Variants in ABCG1 observed in about 807,000 individuals in gnomAD.
ABCG1 encodes ATP binding cassette subfamily G member 1, also known as ATP-binding cassette sub-family G member 1.
A neutral mutation model predicts 69.2 loss-of-function variants in ABCG1; 29 were observed. The observed-to-expected ratio is 0.42, with a 90% CI of 0.31 to 0.57. The LOEUF is 0.57. Among genes scored for constraint, ABCG1 ranks in the 20% least tolerant of loss-of-function variants. The pLI is 0.15. For synonymous variants in ABCG1, 370 were observed against 374.8 expected (o/e 0.99, Z 0.15); for missense variants, 718 against 898.1 (o/e 0.80, Z 2.56).
At chr21:42,292,601 TACACACTACACACC>T (rs1385218410) in intron 13 of ABCG1, among the ~76,000 whole-genome samples, 3 of 150,446 alleles carry the variant, frequency 2.0e-5, no homozygotes, top group Non-Finnish European at 3.0e-5. Flanking sequence ...CAGACCACAC[TACACACTACACACC>T]ACACACTACA....
At chr21:42,216,486 C>T (rs1289251155), upstream of ABCG1, among the ~76,000 whole-genome samples, 1 of 152,160 alleles carries the variant, frequency 6.6e-6, no homozygotes, top group Non-Finnish European at 1.5e-5. Context: ...TCATTTCATC[C>T]CATGTGAACC....
At chr21:42,225,536 G>T in intron 1 of ABCG1, 135 bp from the exon 2 acceptor site, 1 of 1,132,288 alleles carries the variant, frequency 8.8e-7, no homozygotes, top group Admixed American at 2.2e-5. Context: ...TTCTCCTGGG[G>T]CCAAAGGTGC....
At chr21:42,290,992 T>C (rs2069046485) in intron 11 of ABCG1, 100 bp from the exon 12 acceptor site, 2 of 852,272 alleles carry the variant, frequency 2.3e-6, no homozygotes, top group Non-Finnish European at 3.9e-6. Flanking sequence ...AGGCCAGAGC[T>C]GGGTTACCAG....
intron 1 of ABCG1, chr21:42,220,175 C>T (rs2067701306): frequency 4.0e-6 from 3 of 751,748 alleles, no homozygotes; most frequent in Non-Finnish European, 6.6e-6. Context: ...TTCATGTCTA[C>T]GCCCAGCACA....
chr21:42,212,184 T>A (rs1398004482), upstream of ABCG1, among the ~76,000 whole-genome samples: 1 of 152,110 alleles, frequency 6.6e-6, no homozygotes, highest in Non-Finnish European at 1.5e-5. Context: ...GGTATTTTGT[T>A]ATAGGAGTCC....
At position 42,232,644 on chromosome 21, in the gene ABCG1, T is replaced by C. The variant is rs1460706310; in HGVS notation, c.286+6730T>C. On this transcript the variant is annotated intron_variant, in intron 2 of 14. Coordinates refer to ENST00000398449, the MANE Select transcript of ABCG1 (RefSeq NM_016818.3). ...CTGCTGGAGGATGTTCTTACCACAA[T>C]CGTTTTCACCTGCATGGTGGGTGCC... 1.3e-4 allele frequency among the ~76,000 whole-genome samples: 20 copies of C among 152,212 alleles called. 1 individual carries two copies. The highest frequency in any genetic ancestry group is 1.3e-3 in the Admixed American group (20 of 15,284).
Position 42,294,669 on chromosome 21 carries a change from C to G in ABCG1, c.1772+9C>G. ...TACATCTCCTATGTCAGGTAGCGGG[C>G]GTGGGGCACGCATGGCGTGGGGACC... is the stretch of plus-strand genomic sequence containing the variant. On this transcript the variant is annotated intron_variant, in intron 14 of 14. Transcript: ENST00000398449. The G allele has an allele frequency of 6.2e-7, 1 of 1,609,796 alleles. No homozygotes were observed. The highest frequency in any genetic ancestry group is 8.5e-7 in the Non-Finnish European group (1 of 1,176,262).
chr21:42,289,979 G>T lies in ABCG1; in HGVS notation c.1225-71G>T, dbSNP rs947200022. ...TCAGGGTCCCATGCTTCCAAAGGCCGCATCCGGGTTGTTCTCTGAGCCGAG... is the reference window on the plus strand; with the variant it reads ...TCAGGGTCCCATGCTTCCAAAGGCCTCATCCGGGTTGTTCTCTGAGCCGAG... On this transcript the variant is annotated intron_variant, in intron 10 of 14. Transcript: ENST00000398449. 5 of 1,573,064 alleles carry T rather than the reference G, an allele frequency of 3.2e-6. No homozygotes were observed. The African/African-American group carries it at 5.4e-5, about 17-fold the overall frequency.
chr21:42,294,886 C>G (rs916325491), intron 14 of ABCG1: 1 of 524,444 alleles, frequency 1.9e-6, no homozygotes, highest in Non-Finnish European at 3.5e-6. Context: ...GCTTCACACC[C>G]GGAGAGCCAT....
At chr21:42,207,479 C>T (rs1166697962) in intron 2 of ABCG1, among the ~76,000 whole-genome samples, 2 of 152,148 alleles carry the variant, frequency 1.3e-5, no homozygotes, top group South Asian at 2.1e-4. Flanking sequence ...TTTTTCAAGT[C>T]TGCTCATAAT....
chr21:42,210,769 C>T (rs1036873668), intron 2 of ABCG1, among the ~76,000 whole-genome samples: 1 of 152,102 alleles, frequency 6.6e-6, no homozygotes. Context: ...TCTCATGGCC[C>T]CTCCTTTGCA....
chr21:42,293,860 A>T (rs1320129428), intron 13 of ABCG1, among the ~76,000 whole-genome samples: 1 of 148,214 alleles, frequency 6.7e-6, no homozygotes, highest in Non-Finnish European at 1.5e-5. Context: ...GAAACATCAC[A>T]CACTACACAC....
At chr21:42,284,263 CT>C (rs1381890089) in intron 6 of ABCG1, among the ~76,000 whole-genome samples, 6,521 of 144,362 alleles carry the variant, frequency 0.045, 308 homozygotes, top group Admixed American at 0.069. Context: ...TGTGAAGTCC[CT>C]CCCTGCCCAG....
At chr21:42,242,844 T>C (rs1238788390) in intron 2 of ABCG1, among the ~76,000 whole-genome samples, 1 of 152,090 alleles carries the variant, frequency 6.6e-6, no homozygotes, top group Non-Finnish European at 1.5e-5. Flanking sequence ...ACCATGGCCC[T>C]GAGGGCTTGT....
chr21:42,284,596 G>C lies in ABCG1; in HGVS notation c.771G>C (p.Ser257=). Residue 257 remains serine, a synonymous_variant, in exon 7 of 15, where the codon TCG becomes TCC. Transcript: ENST00000398449. ...LDSASCFQVV[S]LMKGLAQGGR... ...GCGCCTCCTGCTTCCAGGTGGTCTC[G>C]CTGATGAAAGGGCTCGCTCAAGGGG... The C allele has an allele frequency of 1.2e-6, 2 of 1,613,816 alleles. No individual in the cohort carries two copies. Among genetic ancestry groups the C allele is most frequent in the Non-Finnish European group, 1.7e-6 (2 of 1,180,022 alleles).
intron 1 of ABCG1, among the ~76,000 whole-genome samples, chr21:42,222,642 C>T (rs543313730): frequency 4.6e-5 from 7 of 152,172 alleles, no homozygotes; most frequent in Non-Finnish European, 1.0e-4. Flanking sequence ...CTTCCGATAC[C>T]TCCTCCGAAC....
At chr21:42,250,162 G>A (rs1216749317) in intron 2 of ABCG1, among the ~76,000 whole-genome samples, 1 of 152,062 alleles carries the variant, frequency 6.6e-6, no homozygotes, top group Non-Finnish European at 1.5e-5. Flanking sequence ...GGACTCTTGG[G>A]GACAGGAGGA....
At chr21:42,218,629 GT>G (rs1413907709), upstream of ABCG1, among the ~76,000 whole-genome samples, 3 of 152,158 alleles carry the variant, frequency 2.0e-5, no homozygotes, top group African/African-American at 7.2e-5. Flanking sequence ...CCCCACACCG[GT>G]GCTGTTGGGG....
intron 1 of ABCG1, among the ~76,000 whole-genome samples, chr21:42,200,690 G>A (rs2067499697): frequency 6.6e-6 from 1 of 151,562 alleles, no homozygotes; most frequent in South Asian, 2.1e-4. Flanking sequence ...CTGGGTTCAA[G>A]TGATTCTCCT....
Sources: allele counts gnomAD v4.1 joint callset (sites outside exome capture counted in the v4.1 genomes callset), GRCh38; gene constraint gnomAD v4.1.1; transcripts MANE v1.5; gene names NCBI Gene and HGNC (gene_info 2026-07-23, HGNC 2026-07-21).